Variants in PCOLCE2 observed in about 807,000 individuals in gnomAD.
The protein encoded by PCOLCE2 is procollagen C-proteinase enhancer 2.
PCOLCE2 carries 42 observed loss-of-function variants against 47.0 expected under a neutral mutation model. The observed-to-expected ratio is 0.89, with a 90% CI of 0.70 to 1.16. The LOEUF is 1.16. Among genes scored for constraint, PCOLCE2 ranks in the 50% most tolerant of loss-of-function variants. The pLI is 0.00. For synonymous variants in PCOLCE2, 169 were observed against 191.7 expected, an observed-to-expected ratio of 0.88 and a Z score of 0.98; for missense variants, 500 against 526.1, an observed-to-expected ratio of 0.95 and a Z score of 0.49.
At chr3:142,823,191 A>G (rs1264924517) in intron 7 of PCOLCE2, among the ~76,000 whole-genome samples, 1 of 152,222 alleles carries the variant, frequency 6.6e-6, no homozygotes, top group African/African-American at 2.4e-5. Context: ...AAGTTGAGTT[A>G]TAGATGTGTG....
intron 8 of PCOLCE2, among the ~76,000 whole-genome samples, chr3:142,820,230 T>C (rs1936998266): frequency 6.6e-6 from 1 of 152,098 alleles, no homozygotes; most frequent in African/African-American, 2.4e-5. Context: ...CATGAGCTAC[T>C]GTGTCTGGCT....
At chr3:142,869,160 G>A (rs1157788231) in intron 2 of PCOLCE2, among the ~76,000 whole-genome samples, 1 of 151,856 alleles carries the variant, frequency 6.6e-6, no homozygotes, top group Non-Finnish European at 1.5e-5. Flanking sequence ...GCGTGGTGGC[G>A]GGCGCCTGTA....
At chr3:142,867,054 C>T (rs1463320687) in intron 2 of PCOLCE2, among the ~76,000 whole-genome samples, 1 of 152,280 alleles carries the variant, frequency 6.6e-6, no homozygotes, top group East Asian at 1.9e-4. Context: ...GGTGGGAGGG[C>T]CAGTTTTTTC....
chr3:142,872,281 T>C (rs1933406416), intron 2 of PCOLCE2, among the ~76,000 whole-genome samples: 1 of 152,150 alleles, frequency 6.6e-6, no homozygotes, highest in South Asian at 2.1e-4. Context: ...GATAGTCCCT[T>C]TGTAAATAAC....
At position 142,879,391 on chromosome 3, in the gene PCOLCE2, A is replaced by G. The variant is rs140093628; in HGVS notation, c.192+8278T>C. 2.0e-5 allele frequency among the ~76,000 whole-genome samples: 3 copies of G among 152,346 alleles called. No homozygotes were observed. In the East Asian group the frequency reaches 5.8e-4, roughly 29 times the overall value. On this transcript the variant is annotated intron_variant, in intron 2 of 8. Transcript: ENST00000295992. ...AAATAAGTATATTTATAAAACATAA[A>G]GTTTTCAATCAATAAAAACACTTGA... is the stretch of plus-strand genomic sequence containing the variant.
chr3:142,837,348 T>A (rs1937215136), intron 5 of PCOLCE2, among the ~76,000 whole-genome samples: 1 of 152,234 alleles, frequency 6.6e-6, no homozygotes, highest in Non-Finnish European at 1.5e-5. Flanking sequence ...AAGAATTATC[T>A]AGGAACTTAG....
intron 2 of PCOLCE2, among the ~76,000 whole-genome samples, chr3:142,858,548 A>G (rs1262212795): frequency 6.6e-6 from 1 of 152,146 alleles, no homozygotes; most frequent in African/African-American, 2.4e-5. Flanking sequence ...ATATCAAACT[A>G]GGATAAAACA....
At position 142,879,696 on chromosome 3, in the gene PCOLCE2, A is replaced by G. The variant is rs562837718; in HGVS notation, c.192+7973T>C. Among the ~76,000 whole-genome samples, 87 of 152,352 alleles carry G rather than the reference A, an allele frequency of 5.7e-4. 1 individual carries two copies. Among genetic ancestry groups the G allele is most frequent in the Middle Eastern group, 3.4e-3 (1 of 294 alleles). On this transcript the variant is annotated intron_variant, in intron 2 of 8. Coordinates refer to ENST00000295992, the MANE Select transcript of PCOLCE2 (RefSeq NM_013363.4). ...AAGAATTGTAAAGTTTTGGCCGGGC[A>G]CGGTGGCTCACGCCTATAATCCCGG...
intron 2 of PCOLCE2, among the ~76,000 whole-genome samples, chr3:142,883,758 A>G (rs1933670300): frequency 6.6e-6 from 1 of 152,114 alleles, no homozygotes; most frequent in Non-Finnish European, 1.5e-5. Context: ...TAATTCCATT[A>G]TGGGAATTAT....
At position 142,823,591 on chromosome 3, in the gene PCOLCE2, C is replaced by T. The variant is rs1937040219; in HGVS notation, c.890G>A (p.Cys297Tyr). ...CCCCGTCCGTCTACACTTTTGTTGA[C>T]ACAAGGCCACGGTGGGTTTTAAACC... ...TTGLKPTVAL[C>Y]QQKCRRTGTL... is the part of the protein sequence containing the mutation. Residue 297 changes from cysteine to tyrosine, a missense_variant, in exon 7 of 9, where the codon TGT becomes TAT. Transcript: ENST00000295992. 2 of 1,609,274 alleles carry T rather than the reference C, an allele frequency of 1.2e-6. No homozygotes were observed. Among genetic ancestry groups the T allele is most frequent in the Non-Finnish European group, 1.7e-6 (2 of 1,175,896 alleles).
chr3:142,849,186 A>C (rs752122836), intron 2 of PCOLCE2, among the ~76,000 whole-genome samples: 1 of 152,192 alleles, frequency 6.6e-6, no homozygotes. Context: ...CAAATAATAC[A>C]GTAGGACGCA....
At chr3:142,833,481 CTT>C (rs762140679) in intron 5 of PCOLCE2, among the ~76,000 whole-genome samples, 168 of 141,404 alleles carry the variant, frequency 1.2e-3, no homozygotes, top group Non-Finnish European at 1.2e-3. Flanking sequence ...CACGCTCAGC[CTT>C]TTTTTTTTTT....
chr3:142,866,454 TC>T (rs1259693203), intron 2 of PCOLCE2, among the ~76,000 whole-genome samples: 2 of 152,276 alleles, frequency 1.3e-5, no homozygotes, highest in African/African-American at 4.8e-5. Flanking sequence ...TGGTGGGACT[TC>T]TCAGCCTCTA....
chr3:142,879,421 C>T (rs573314901), intron 2 of PCOLCE2, among the ~76,000 whole-genome samples: 5 of 152,076 alleles, frequency 3.3e-5, no homozygotes, highest in Non-Finnish European at 5.9e-5. Context: ...ACTTGATTTC[C>T]GTGTGAAAGA....
At chr3:142,819,962 T>TTC (rs71629546) in intron 8 of PCOLCE2, among the ~76,000 whole-genome samples, 4,984 of 150,130 alleles carry the variant, frequency 0.033, 91 homozygotes, top group East Asian at 0.055. Context: ...TTCTCTCTCT[T>TTC]TCTCTCTCTC....
rs1024989829 is a variant in PCOLCE2, at chr3:142,873,739, T to C, written c.192+13930A>G. 5.3e-5 allele frequency among the ~76,000 whole-genome samples: 8 copies of C among 152,214 alleles called. No individual in the cohort carries two copies. The East Asian group carries it at 1.5e-3, about 29-fold the overall frequency. ...CCCAAACAGCCTGCTGCTTTGTTCA[T>C]GTCACCGATGTTGGTACACTGACTG... On this transcript the variant is annotated intron_variant, in intron 2 of 8. Coordinates refer to ENST00000295992, the MANE Select transcript of PCOLCE2 (RefSeq NM_013363.4).
intron 2 of PCOLCE2, among the ~76,000 whole-genome samples, chr3:142,852,981 C>T (rs1474043721): frequency 6.6e-6 from 1 of 151,272 alleles, no homozygotes; most frequent in Non-Finnish European, 1.5e-5. Context: ...TGGTGCATGC[C>T]TGTAGTCCCA....
In PCOLCE2 at chr3:142,888,994, G is replaced by T; in HGVS notation, c.-98C>A. On this transcript the variant is annotated 5_prime_UTR_variant, in exon 1 of 9. It adds an upstream start codon to the 5' untranslated region. Coordinates refer to ENST00000295992, the MANE Select transcript of PCOLCE2 (RefSeq NM_013363.4). ...GCTCACACCGCCGCTCACACTGGCA[G>T]CAGCGCTGGCTCACACCGGCGCTCG... 1.7e-6 allele frequency: 1 copy of T among 591,608 alleles called. No homozygotes were observed. Among genetic ancestry groups the T allele is most frequent in the Non-Finnish European group, 2.6e-6 (1 of 386,518 alleles). The allele number at this position is 591,608 out of a possible 1,614,324, so 36.6% of individuals were successfully genotyped here.
intron 2 of PCOLCE2, among the ~76,000 whole-genome samples, chr3:142,874,853 G>A (rs550454597): frequency 1.3e-5 from 2 of 152,268 alleles, no homozygotes; most frequent in Admixed American, 6.5e-5. Flanking sequence ...AGATGTCCCC[G>A]AATGCTATGG....
Sources: gnomAD v4.1 joint callset for allele counts (sites outside exome capture counted in the v4.1 genomes callset) on GRCh38, gnomAD v4.1.1 for gene constraint, MANE v1.5 for transcripts, NCBI Gene and HGNC (gene_info 2026-07-23, HGNC 2026-07-21) for gene names.